The following PINX1 variants were observed in gnomAD, a reference collection of about 807,000 sequenced individuals.
PINX1 encodes PIN2/TERF1-interacting telomerase inhibitor 1.
A neutral mutation model predicts 25.4 loss-of-function variants in PINX1; 34 were observed. The ratio of observed to expected loss-of-function variants is 1.34; its 90% confidence interval spans 1.02 to 1.78. PINX1 has a LOEUF of 1.78. Among genes scored for constraint, PINX1 ranks in the 40% most tolerant of loss-of-function variants. PINX1 has a pLI of 0.00. For synonymous variants in PINX1, 197 were observed against 147.7 expected (o/e 1.33, Z -2.42); for missense variants, 592 against 404.9 (o/e 1.46, Z -3.97).
chr8:10,798,807 T>G (rs1313053949), intron 6 of PINX1, among the ~76,000 whole-genome samples: 1 of 152,218 alleles, frequency 6.6e-6, no homozygotes, highest in Non-Finnish European at 1.5e-5. Flanking sequence ...AGAATGCTGA[T>G]TTCTAGTGTC....
intron 4 of PINX1, among the ~76,000 whole-genome samples, chr8:10,827,646 C>A (rs1038738605): frequency 1.3e-5 from 2 of 151,910 alleles, no homozygotes; most frequent in Middle Eastern, 3.2e-3. Flanking sequence ...GTGGCTCATG[C>A]CTGTAATCCC....
chr8:10,794,251 A>G (rs548812681), intron 6 of PINX1, among the ~76,000 whole-genome samples: 25 of 152,194 alleles, frequency 1.6e-4, no homozygotes, highest in Admixed American at 3.9e-4. Context: ...TTAAATTACA[A>G]TTTTTTAAAA....
chr8:10,786,822 A>G (rs909546506), intron 6 of PINX1, among the ~76,000 whole-genome samples: 1 of 152,216 alleles, frequency 6.6e-6, no homozygotes, highest in Admixed American at 6.5e-5. Flanking sequence ...ACCAACCTGC[A>G]AACTGCACTT....
At chr8:10,775,410 G>GGT (rs1563203196) in intron 6 of PINX1, among the ~76,000 whole-genome samples, 2 of 109,592 alleles carry the variant, frequency 1.8e-5, no homozygotes, top group Non-Finnish European at 3.7e-5. Flanking sequence ...CTGTTTTGTG[G>GGT]TTTTTTTTTT....
intron 1 of PINX1, among the ~76,000 whole-genome samples, chr8:10,835,983 G>A (rs999328956): frequency 2.6e-4 from 40 of 152,066 alleles, no homozygotes; most frequent in African/African-American, 7.5e-4. Flanking sequence ...ATGTCAAACT[G>A]AAAAGTAGAC....
At chr8:10,793,856 A>G (rs2129077426) in intron 6 of PINX1, among the ~76,000 whole-genome samples, 1 of 152,312 alleles carries the variant, frequency 6.6e-6, no homozygotes, top group Middle Eastern at 3.4e-3. Flanking sequence ...CTCTTAGTAT[A>G]TTCCTTATGA....
At chr8:10,795,986 A>C (rs1243341022) in intron 6 of PINX1, among the ~76,000 whole-genome samples, 2 of 152,228 alleles carry the variant, frequency 1.3e-5, no homozygotes, top group Non-Finnish European at 2.9e-5. Context: ...TTTAAGACAA[A>C]CTATTATCGT....
At chr8:10,837,706 A>T (rs1190687742) in intron 1 of PINX1, among the ~76,000 whole-genome samples, 1 of 152,146 alleles carries the variant, frequency 6.6e-6, no homozygotes, top group Non-Finnish European at 1.5e-5. Flanking sequence ...TCCAATAAAA[A>T]CCATCCACAC....
In PINX1 at chr8:10,831,677, G is replaced by A; in HGVS notation, c.289C>T (p.Gln97Ter). Residue 97 changes from glutamine to a stop codon, truncating the protein, a stop_gained, in exon 4 of 7, where the codon CAG becomes TAG. Transcript: ENST00000314787. LOFTEE classifies it high-confidence loss of function. ...LLAELNTCHG[Q>*]ETTDSSDKKE... ...CTGATTTCCCTACCTGTGGTTTCCT[G>A]CCCATGGCAAGTGTTCAGTTCGGCC... 6.3e-7 allele frequency: 1 copy of A among 1,598,398 alleles called. No individual in the cohort carries two copies. Among genetic ancestry groups the A allele is most frequent in the South Asian group, 1.1e-5 (1 of 88,790 alleles).
chr8:10,811,558 T>C (rs1028194845), intron 6 of PINX1, among the ~76,000 whole-genome samples: 22 of 152,186 alleles, frequency 1.4e-4, no homozygotes, highest in African/African-American at 4.8e-4. Flanking sequence ...GGGTTAGCAA[T>C]TCGAGGAAGG....
At chr8:10,838,263 G>A (rs1214915909) in intron 1 of PINX1, among the ~76,000 whole-genome samples, 2 of 152,146 alleles carry the variant, frequency 1.3e-5, no homozygotes, top group Non-Finnish European at 2.9e-5. Context: ...TACAGAAGAT[G>A]CTATACCCAT....
At chr8:10,789,231 G>A (rs1382288010) in intron 6 of PINX1, among the ~76,000 whole-genome samples, 1 of 152,234 alleles carries the variant, frequency 6.6e-6, no homozygotes, top group African/African-American at 2.4e-5. Flanking sequence ...TGCATAGACA[G>A]AAGATGGGCC....
chr8:10,784,580 T>G (rs1012385204), intron 6 of PINX1, among the ~76,000 whole-genome samples: 1 of 152,218 alleles, frequency 6.6e-6, no homozygotes, highest in Non-Finnish European at 1.5e-5. Flanking sequence ...CTTTTCTGCT[T>G]GCAGAAAAAT....
chr8:10,806,326 G>A (rs1035878319), intron 6 of PINX1, among the ~76,000 whole-genome samples: 1 of 152,216 alleles, frequency 6.6e-6, no homozygotes, highest in Non-Finnish European at 1.5e-5. Context: ...ACGTGTGGGG[G>A]AGAGGTCTCC....
intron 6 of PINX1, among the ~76,000 whole-genome samples, chr8:10,792,253 G>A (rs149978666): frequency 5.9e-4 from 89 of 151,910 alleles, no homozygotes; most frequent in African/African-American, 2.1e-3. Flanking sequence ...TCCACTTCAC[G>A]TCCGCACCCA....
intron 6 of PINX1, 40 bp downstream of exon 6, chr8:10,820,153 G>T (rs772006094): frequency 9.7e-6 from 12 of 1,236,886 alleles, no homozygotes; most frequent in Non-Finnish European, 1.3e-5. Context: ...AAATCAGACA[G>T]TATTAAAGCG....
intron 6 of PINX1, among the ~76,000 whole-genome samples, chr8:10,786,813 C>A (rs1164463714): frequency 6.6e-6 from 1 of 152,226 alleles, no homozygotes; most frequent in Non-Finnish European, 1.5e-5. Flanking sequence ...CTCCCAGGAA[C>A]CAACCTGCAA....
chr8:10,834,367 T>C, intron 2 of PINX1: 1 of 305,468 alleles, frequency 3.3e-6, no homozygotes, highest in South Asian at 5.2e-5. Context: ...ACCATTTAAG[T>C]GTAGAGGTAT....
chr8:10,784,836 G>C (rs935341211), intron 6 of PINX1, among the ~76,000 whole-genome samples: 2 of 152,174 alleles, frequency 1.3e-5, no homozygotes, highest in Non-Finnish European at 2.9e-5. Context: ...TTTTGATGCA[G>C]AAAAGATAAA....
Sources: allele counts gnomAD v4.1 joint callset (sites outside exome capture counted in the v4.1 genomes callset), GRCh38; gene constraint gnomAD v4.1.1; transcripts MANE v1.5; gene names NCBI Gene and HGNC (gene_info 2026-07-23, HGNC 2026-07-21).